Variants in RAB33B observed in about 807,000 individuals in gnomAD.
The protein encoded by RAB33B is RAB33B, member RAS oncogene family, also known as ras-related protein Rab-33B.
A neutral mutation model predicts 15.0 loss-of-function variants in RAB33B; 6 were observed. The observed-to-expected ratio is 0.40, with a 90% confidence interval of 0.22 to 0.79. The LOEUF (loss-of-function observed/expected upper bound fraction) is 0.79. Ranked by LOEUF, RAB33B falls within the 30% of genes least tolerant of loss-of-function variation. The pLI is 0.37. For missense variants in RAB33B, 257 were observed against 296.4 expected (o/e 0.87, Z 0.98); for synonymous variants, 117 against 108.3 (o/e 1.08, Z -0.50).
chr4:139,455,617 C>T (rs1018516007), intron 1 of RAB33B, among the ~76,000 whole-genome samples: 1 of 152,118 alleles, frequency 6.6e-6, no homozygotes, highest in Non-Finnish European at 1.5e-5. Flanking sequence ...TTTCATGTCC[C>T]ATATGAGCTC....
Position 139,476,378 on chromosome 4 carries a change from A to C in RAB33B, c.*3252A>C, listed in dbSNP as rs1368756756. On this transcript the variant is annotated 3_prime_UTR_variant, in exon 2 of 2. Coordinates refer to ENST00000305626, the MANE Select transcript of RAB33B (RefSeq NM_031296.3). Reference sequence around the variant, plus strand: ...GATGTTGATTCTGCTTCCCCTGGTCAGTTTATTTTACGTATAAGTTACCCT... The same window carrying C: ...GATGTTGATTCTGCTTCCCCTGGTCCGTTTATTTTACGTATAAGTTACCCT... The C allele has an allele frequency of 1.3e-5, 2 of 152,234 alleles. No individual in the cohort carries two copies. Among genetic ancestry groups the C allele is most frequent in the Non-Finnish European group, 2.9e-5 (2 of 68,042 alleles). 9.4% of individuals were successfully genotyped at this position (152,234 alleles called of 1,614,324 possible).
chr4:139,462,311 C>G (rs567051763), intron 1 of RAB33B, among the ~76,000 whole-genome samples: 15 of 152,164 alleles, frequency 9.9e-5, no homozygotes, highest in Non-Finnish European at 2.1e-4. Flanking sequence ...CCTCGGCCTC[C>G]CAAAGTGCTG....
the RAB33B span, among the ~76,000 whole-genome samples, chr4:139,439,681 G>A: frequency 5.3e-5 from 8 of 152,146 alleles, no homozygotes; most frequent in East Asian, 1.9e-4. Context: ...TTGAGGTATC[G>A]CACAGGTTCC....
At chr4:139,455,016 A>T (rs1750037435) in intron 1 of RAB33B, among the ~76,000 whole-genome samples, 1 of 152,206 alleles carries the variant, frequency 6.6e-6, no homozygotes, top group Non-Finnish European at 1.5e-5. Flanking sequence ...TTCCTGCAGA[A>T]ACATTCTATA....
chr4:139,443,037 G>C, the RAB33B span, among the ~76,000 whole-genome samples: 145 of 151,396 alleles, frequency 9.6e-4, 3 homozygotes, highest in South Asian at 0.01. Context: ...CTGTCACCCA[G>C]GCTGGAGTGC....
At chr4:139,446,791 A>G in the RAB33B span, among the ~76,000 whole-genome samples, 8 of 152,196 alleles carry the variant, frequency 5.3e-5, no homozygotes, top group Non-Finnish European at 8.8e-5. Flanking sequence ...GCTCGGGAAC[A>G]TGGACTTCCA....
At chr4:139,447,857 G>A in the RAB33B span, among the ~76,000 whole-genome samples, 684 of 151,712 alleles carry the variant, frequency 4.5e-3, 3 homozygotes, top group African/African-American at 0.015. Flanking sequence ...TAGTAGAGAC[G>A]GGGTTTCACC....
chr4:139,444,985 G>C, the RAB33B span, among the ~76,000 whole-genome samples: 1 of 152,210 alleles, frequency 6.6e-6, no homozygotes, highest in Non-Finnish European at 1.5e-5. Flanking sequence ...CACAGGGGTG[G>C]TGATTCCCAC....
intron 1 of RAB33B, among the ~76,000 whole-genome samples, chr4:139,466,900 G>C (rs536647933): frequency 3.2e-4 from 48 of 148,326 alleles, no homozygotes; most frequent in African/African-American, 1.2e-3. Context: ...TTTATTTGCA[G>C]ATATTTTCTC....
intron 1 of RAB33B, among the ~76,000 whole-genome samples, chr4:139,466,846 C>G (rs1229285855): frequency 2.6e-5 from 4 of 151,774 alleles, no homozygotes; most frequent in South Asian, 4.2e-4. Flanking sequence ...TCCCAAAGTG[C>G]TGGGATTACA....
chr4:139,472,611 C>T, intron 1 of RAB33B, 75 bp from the exon 2 acceptor site: 1 of 1,074,256 alleles, frequency 9.3e-7, no homozygotes, highest in Non-Finnish European at 1.3e-6. Context: ...AAAGACAATG[C>T]AAGATGATTA....
chr4:139,471,967 TG>T (rs1312037722), intron 1 of RAB33B, among the ~76,000 whole-genome samples: 2 of 152,224 alleles, frequency 1.3e-5, no homozygotes, highest in Non-Finnish European at 2.9e-5. Context: ...TAATCTTTCC[TG>T]CTGTTGAATT....
At chr4:139,445,795 G>A in the RAB33B span, among the ~76,000 whole-genome samples, 9 of 152,118 alleles carry the variant, frequency 5.9e-5, no homozygotes, top group Admixed American at 5.9e-4. Context: ...TGCTTGAGGT[G>A]TCAGTGACAC....
chr4:139,471,387 C>A (rs1324652269), intron 1 of RAB33B, among the ~76,000 whole-genome samples: 2 of 152,156 alleles, frequency 1.3e-5, no homozygotes, highest in African/African-American at 4.8e-5. Context: ...CTGTACCACA[C>A]CGCTGCTGCT....
intron 1 of RAB33B, among the ~76,000 whole-genome samples, chr4:139,466,729 C>T (rs1283434542): frequency 6.6e-6 from 1 of 152,014 alleles, no homozygotes; most frequent in East Asian, 1.9e-4. Context: ...CAGGTGCATG[C>T]CACCATGCCC....
the RAB33B span, among the ~76,000 whole-genome samples, chr4:139,443,591 C>T: frequency 6.6e-6 from 1 of 152,174 alleles, no homozygotes; most frequent in African/African-American, 2.4e-5. Context: ...CAGACACAAG[C>T]TCTTATTAGG....
chr4:139,464,390 T>TTTG lies in RAB33B; in HGVS notation c.250-8294_250-8293insGTT, dbSNP rs1330107060. On this transcript the variant is annotated intron_variant, in intron 1 of 1. Transcript: ENST00000305626. ...ATTGATGGGAAGAGGAATACTGTTT[T>TTTG]TTTTTTTTTTTTTTTTTTTTTTATA... Among the ~76,000 whole-genome samples the TTTG allele has an allele frequency of 2.7e-3, 213 of 78,402 alleles. 4 individuals carry two copies. In the East Asian group the frequency reaches 0.03, roughly 11 times the overall value. The allele number at this position is 78,402 out of a possible 152,430, so 51.4% of individuals were successfully genotyped here.
the RAB33B span, among the ~76,000 whole-genome samples, chr4:139,441,940 TA>T: frequency 6.6e-6 from 1 of 152,212 alleles, no homozygotes; most frequent in Non-Finnish European, 1.5e-5. Context: ...ATTAAACATC[TA>T]ATATTGTGAC....
Position 139,454,184 on chromosome 4 carries a change from C to T in RAB33B, c.-12C>T. On this transcript the variant is annotated 5_prime_UTR_variant, in exon 1 of 2. Transcript: ENST00000305626. ...TCCTTTCCTCCGCCTCAGTTTGGGG[C>T]GGGTCGGGGGAATGGCTGAGGAGAT... 2 of 1,602,116 alleles carry T rather than the reference C, an allele frequency of 1.2e-6. No individual in the cohort carries two copies. The highest frequency in any genetic ancestry group is 1.7e-6 in the Non-Finnish European group (2 of 1,172,986).
Sources: gnomAD v4.1 joint callset for allele counts (sites outside exome capture counted in the v4.1 genomes callset) on GRCh38, gnomAD v4.1.1 for gene constraint, MANE v1.5 for transcripts, NCBI Gene and HGNC (gene_info 2026-07-23, HGNC 2026-07-21) for gene names.